The following OR56A3 variants were observed in gnomAD, a reference collection of about 807,000 sequenced individuals.
The protein encoded by OR56A3 is olfactory receptor 56A3.
Under a neutral mutation model 17.5 loss-of-function variants are expected in OR56A3, and 23 were observed. The ratio of observed to expected loss-of-function variants is 1.32; its 90% confidence interval spans 0.95 to 1.87. The LOEUF is 1.87. OR56A3 is among the 40% of genes most tolerant of loss of function. The pLI, the probability that OR56A3 is intolerant of heterozygous loss-of-function variation, is 0.00. For synonymous variants in OR56A3, 175 were observed against 150.6 expected (o/e 1.16, Z -1.19); for missense variants, 366 against 380.1 (o/e 0.96, Z 0.31).
At chr11:5,960,202 C>T in the OR56A3 span, among the ~76,000 whole-genome samples, 2 of 152,126 alleles carry the variant, frequency 1.3e-5, no homozygotes, top group African/African-American at 4.8e-5. Context: ...TGAAGACTGT[C>T]GTTGGTACTT....
chr11:5,978,883 A>T, the OR56A3 span, among the ~76,000 whole-genome samples: 1 of 152,008 alleles, frequency 6.6e-6, no homozygotes, highest in African/African-American at 2.4e-5. Context: ...ATTGTGAAGG[A>T]TGTTCCTTTG....
rs1396788461 is a variant in OR56A3 at position 5,947,613 on chromosome 11, C to G, written c.267C>G (p.Phe89Leu). ...TCATCCCCAAGGTCCTGACCATCTT[C>G]TGGTTTGACCTCAGGCCCATCAGCT... is the stretch of plus-strand genomic sequence containing the variant. ...LTVIPKVLTI[F>L]WFDLRPISFP... Residue 89 changes from phenylalanine (F) to leucine (L), a missense_variant, in exon 3 of 3, where the codon TTC becomes TTG. Transcript: ENST00000641160. 1.9e-6 allele frequency: 3 copies of G among 1,614,102 alleles called. No homozygotes were observed. Among genetic ancestry groups the G allele is most frequent in the African/African-American group, 2.7e-5 (2 of 74,934 alleles).
chr11:5,965,782 G>A, the OR56A3 span, among the ~76,000 whole-genome samples: 1 of 152,112 alleles, frequency 6.6e-6, no homozygotes. Flanking sequence ...GGTAAATAAA[G>A]GATGGGTTTG....
chr11:6,018,913 A>G, the OR56A3 span, among the ~76,000 whole-genome samples: 4 of 152,058 alleles, frequency 2.6e-5, no homozygotes, highest in African/African-American at 9.7e-5. Context: ...CTAACAAACT[A>G]GAAAACCTAG....
the OR56A3 span, among the ~76,000 whole-genome samples, chr11:5,997,904 G>A: frequency 6.6e-6 from 1 of 152,182 alleles, no homozygotes; most frequent in South Asian, 2.1e-4. Flanking sequence ...GAATGGGCAA[G>A]TGGAATATTT....
chr11:5,985,960 ACT>A, the OR56A3 span: 1 of 1,608,444 alleles, frequency 6.2e-7, no homozygotes, highest in Non-Finnish European at 8.5e-7. Flanking sequence ...TTGTGTAAAC[ACT>A]CTGAGCACTC....
downstream of OR56A3, among the ~76,000 whole-genome samples, chr11:5,954,754 C>A (rs1371886466): frequency 3.3e-5 from 5 of 152,026 alleles, no homozygotes; most frequent in Non-Finnish European, 7.4e-5. Flanking sequence ...AACAATTGTT[C>A]CAAGAACTGG....
chr11:5,979,835 C>T, the OR56A3 span, among the ~76,000 whole-genome samples: 1 of 151,782 alleles, frequency 6.6e-6, no homozygotes, highest in South Asian at 2.1e-4. Context: ...CACTATATGC[C>T]TTCCTCTTGA....
Position 5,948,442 on chromosome 11 carries a change from A to G in OR56A3, c.*148A>G. 1 of 594,614 alleles carries G rather than the reference A, an allele frequency of 1.7e-6. No homozygotes were observed. The highest frequency in any genetic ancestry group is 3.0e-6 in the Non-Finnish European group (1 of 338,278). 36.8% of individuals were successfully genotyped at this position (594,614 alleles called of 1,614,324 possible). ...GTGCTTTTCAAAAACATCGGTTTTA[A>G]TTTAAGTCTATCTTCCTTTTCACCC... On this transcript the variant is annotated 3_prime_UTR_variant, in exon 3 of 3. Transcript: ENST00000641160.
chr11:6,014,192 C>T, the OR56A3 span, among the ~76,000 whole-genome samples: 937 of 152,300 alleles, frequency 6.2e-3, 3 homozygotes, highest in Non-Finnish European at 8.9e-3. Context: ...TCAATAACAA[C>T]CACAGCCTAA....
chr11:5,959,829 T>G, the OR56A3 span, among the ~76,000 whole-genome samples: 1 of 152,206 alleles, frequency 6.6e-6, no homozygotes, highest in Admixed American at 6.5e-5. Flanking sequence ...TAGTTTATTT[T>G]GAGCTGAATT....
downstream of OR56A3, among the ~76,000 whole-genome samples, chr11:5,954,703 C>T (rs1847924224): frequency 6.6e-6 from 1 of 152,084 alleles, no homozygotes; most frequent in Non-Finnish European, 1.5e-5. Flanking sequence ...CAAATTTTCA[C>T]TTCAACCAGA....
At chr11:5,985,946 C>T in the OR56A3 span, 1 of 1,603,694 alleles carries the variant, frequency 6.2e-7, no homozygotes, top group Non-Finnish European at 8.5e-7. Context: ...TCAGATCAAT[C>T]CTTTTGTGTA....
At chr11:5,987,898 T>A in the OR56A3 span, among the ~76,000 whole-genome samples, 1 of 152,222 alleles carries the variant, frequency 6.6e-6, no homozygotes, top group East Asian at 1.9e-4. Flanking sequence ...TGGGTTTTTT[T>A]TCTAAAATGC....
chr11:5,959,864 CTAATT>C, the OR56A3 span, among the ~76,000 whole-genome samples: 1 of 152,032 alleles, frequency 6.6e-6, no homozygotes, highest in African/African-American at 2.4e-5. Context: ...AGATAAGGGT[CTAATT>C]TGATTCTTCT....
chr11:6,014,114 T>C, the OR56A3 span, among the ~76,000 whole-genome samples: 2 of 152,150 alleles, frequency 1.3e-5, no homozygotes, highest in African/African-American at 2.4e-5. Context: ...CACAGCCCAC[T>C]ACTGCCACCA....
At chr11:5,956,565 T>C in the OR56A3 span, among the ~76,000 whole-genome samples, 379 of 152,322 alleles carry the variant, frequency 2.5e-3, 4 homozygotes, top group African/African-American at 8.7e-3. Context: ...AAATAGGTGT[T>C]TCACAGAGGT....
the OR56A3 span, among the ~76,000 whole-genome samples, chr11:6,014,022 C>G: frequency 6.6e-6 from 1 of 152,220 alleles, no homozygotes; most frequent in Non-Finnish European, 1.5e-5. Context: ...AACAAGCTGC[C>G]TGAAGGTTTA....
At chr11:6,002,012 A>T in the OR56A3 span, 1 of 1,493,404 alleles carries the variant, frequency 6.7e-7, no homozygotes, top group Non-Finnish European at 8.9e-7. Flanking sequence ...TTTCACTAAC[A>T]ATTAACAACT....
Sources: gnomAD v4.1 joint callset for allele counts (sites outside exome capture counted in the v4.1 genomes callset) on GRCh38, gnomAD v4.1.1 for gene constraint, MANE v1.5 for transcripts, NCBI Gene and HGNC (gene_info 2026-07-23, HGNC 2026-07-21) for gene names.